The following ORC1 variants were observed in gnomAD, a reference collection of about 807,000 sequenced individuals.
ORC1 encodes origin recognition complex subunit 1, also known as origin recognition complex, subunit 1 homolog.
ORC1 carries 61 observed loss-of-function variants against 98.9 expected under a neutral mutation model. The observed-to-expected ratio is 0.62, with a 90% CI of 0.50 to 0.76. The LOEUF is 0.76. Among genes scored for constraint, ORC1 ranks in the 30% least tolerant of loss-of-function variants. The pLI, the probability that ORC1 is intolerant of heterozygous loss-of-function variation, is 0.00. For missense variants in ORC1, 979 were observed against 1,072.2 expected (o/e 0.91, Z 1.21); for synonymous variants, 385 against 406.9 (o/e 0.95, Z 0.65).
chr1:52,383,421 A>G lies in ORC1; in HGVS notation c.2012T>C (p.Leu671Pro). Reference sequence around the variant, plus strand: ...CATGGGAACTGCCCTAGAACCTACCAGTCGGCTGGACACCCGGTTCATCAT... The same window carrying G: ...CATGGGAACTGCCCTAGAACCTACCGGTCGGCTGGACACCCGGTTCATCAT... Reference protein sequence around the residue: ...RIMMNRVSSRLGLTRMCFQPY... With the variant: ...RIMMNRVSSRPGLTRMCFQPY... The change falls in exon 13 of 17, where the codon CTG becomes CCG. Residue 671 changes from leucine (L) to proline (P), a missense_variant and splice_region_variant. Transcript: ENST00000371568. 6.2e-7 allele frequency: 1 copy of G among 1,612,496 alleles called. No individual in the cohort carries two copies. The highest frequency in any genetic ancestry group is 1.7e-5 in the Admixed American group (1 of 60,016).
chr1:52,393,812 AATC>A lies in ORC1; in HGVS notation c.722-12_722-10del, dbSNP rs1196836122. On this transcript the variant is annotated splice_polypyrimidine_tract_variant and intron_variant, in intron 5 of 16. Transcript: ENST00000371568. The stretch of plus-strand genomic sequence containing the variant: ...CTGAGGGTTACCTAAGTCTAAGAGA[AATC>A]ATCACAATGTGTAAATTTTTTACCT... 1 of 1,611,016 alleles carries A rather than the reference AATC, an allele frequency of 6.2e-7. No homozygotes were observed. The highest frequency in any genetic ancestry group is 8.5e-7 in the Non-Finnish European group (1 of 1,179,952).
chr1:52,387,911 G>A (rs985134856), intron 8 of ORC1, among the ~76,000 whole-genome samples: 5 of 152,190 alleles, frequency 3.3e-5, no homozygotes, highest in African/African-American at 1.2e-4. Context: ...CATTTCTCAA[G>A]CACATTCGAA....
At chr1:52,380,590 G>T (rs1345433172) in intron 14 of ORC1, among the ~76,000 whole-genome samples, 1 of 152,018 alleles carries the variant, frequency 6.6e-6, no homozygotes, top group Non-Finnish European at 1.5e-5. Context: ...AGCTACTCAG[G>T]AGGCTGAGGC....
chr1:52,380,773 G>A (rs890845732), intron 14 of ORC1, among the ~76,000 whole-genome samples: 1 of 151,560 alleles, frequency 6.6e-6, no homozygotes, highest in Admixed American at 6.6e-5. Context: ...TAGATAGATA[G>A]CATAATAGCA....
chr1:52,384,327 T>A (rs1446432811), intron 11 of ORC1, among the ~76,000 whole-genome samples: 1 of 152,198 alleles, frequency 6.6e-6, no homozygotes, highest in African/African-American at 2.4e-5. Context: ...TTTCACCATG[T>A]GGGTAAGTAC....
At chr1:52,406,532 T>C (rs752106129), upstream of ORC1, among the ~76,000 whole-genome samples, 5 of 146,772 alleles carry the variant, frequency 3.4e-5, no homozygotes, top group African/African-American at 5.5e-5. Flanking sequence ...AACTATGACA[T>C]TGGAGAGGTT....
At chr1:52,397,979 G>GT (rs1022811731) in intron 3 of ORC1, 116 bp from the exon 4 acceptor site, 9 of 1,023,412 alleles carry the variant, frequency 8.8e-6, no homozygotes, top group African/African-American at 1.6e-5. Context: ...TTTGTTTTTT[G>GT]TTTTTTGAGA....
chr1:52,406,217 G>A (rs1199313539), upstream of ORC1, among the ~76,000 whole-genome samples: 1 of 152,070 alleles, frequency 6.6e-6, no homozygotes, highest in South Asian at 2.1e-4. Context: ...TCGAACTCCA[G>A]ACTTCAGGTA....
At chr1:52,405,754 C>T, upstream of ORC1, 4 of 1,614,034 alleles carry the variant, frequency 2.5e-6, no homozygotes, top group Non-Finnish European at 3.4e-6. Context: ...AAAACCAACA[C>T]CCTTTCTGTG....
At chr1:52,408,802 T>C, upstream of ORC1, 1 of 1,310,960 alleles carries the variant, frequency 7.6e-7, no homozygotes, top group Non-Finnish European at 1.1e-6. Flanking sequence ...TTCATCTACA[T>C]TGTTACTGTC....
chr1:52,391,480 TCAGCAGACAACCCA>T (rs781027443), intron 6 of ORC1, among the ~76,000 whole-genome samples: 8 of 151,890 alleles, frequency 5.3e-5, no homozygotes, highest in Non-Finnish European at 1.2e-4. Context: ...AAAGAAATAA[TCAGCAGACAACCCA>T]CAGAGTGGGA....
At chr1:52,373,719 GT>G (rs1646962860) in intron 16 of ORC1, among the ~76,000 whole-genome samples, 1 of 152,118 alleles carries the variant, frequency 6.6e-6, no homozygotes, top group Non-Finnish European at 1.5e-5. Context: ...ACTCTCACTG[GT>G]GATACAAATA....
At chr1:52,396,710 C>T (rs1314438730) in intron 4 of ORC1, among the ~76,000 whole-genome samples, 1 of 152,118 alleles carries the variant, frequency 6.6e-6, no homozygotes, top group Admixed American at 6.5e-5. Context: ...GTTATTTTCA[C>T]AGATTCCTCC....
intron 6 of ORC1, among the ~76,000 whole-genome samples, chr1:52,391,637 G>C (rs1052712924): frequency 6.6e-6 from 1 of 152,084 alleles, no homozygotes; most frequent in Non-Finnish European, 1.5e-5. Context: ...GGTGGCTCAC[G>C]CCTATAATCC....
chr1:52,386,813 T>C (rs1647148678), intron 8 of ORC1, among the ~76,000 whole-genome samples: 1 of 152,042 alleles, frequency 6.6e-6, no homozygotes, highest in South Asian at 2.1e-4. Flanking sequence ...TAGCTAGGCA[T>C]GATGGCACAC....
chr1:52,389,316 G>A lies in ORC1; in HGVS notation c.1088C>T (p.Ala363Val), dbSNP rs749421827. The A allele has an allele frequency of 6.2e-7, 1 of 1,613,564 alleles. No individual in the cohort carries two copies. The highest frequency in any genetic ancestry group is 1.1e-5 in the South Asian group (1 of 91,072). ...LKPENIKKRD[A>V]KEAKAQNEAT... ...TTCATTCTGGGCTTTTGCTTCTTTTGCATCCCTGCAAGAAACCACAGCGAG... is the reference window on the plus strand; with the variant it reads ...TTCATTCTGGGCTTTTGCTTCTTTTACATCCCTGCAAGAAACCACAGCGAG... The change falls in exon 7 of 17, where the codon GCA becomes GTA. Residue 363 changes from alanine to valine, a missense_variant. Coordinates refer to ENST00000371568, the MANE Select transcript of ORC1 (RefSeq NM_004153.4).
intron 1 of ORC1, among the ~76,000 whole-genome samples, chr1:52,402,562 C>G (rs957698398): frequency 6.6e-6 from 1 of 152,160 alleles, no homozygotes; most frequent in African/African-American, 2.4e-5. Context: ...AAACATCTAA[C>G]AAAGTGAAAT....
chr1:52,408,815 T>A, upstream of ORC1: 1 of 1,230,442 alleles, frequency 8.1e-7, no homozygotes, highest in Non-Finnish European at 1.1e-6. Flanking sequence ...TTACTGTCTC[T>A]ATGCAGGTTT....
Position 52,393,797 on chromosome 1 carries a change from C to T in ORC1, c.728G>A (p.Gly243Asp). The T allele has an allele frequency of 6.2e-7, 1 of 1,612,704 alleles. No homozygotes were observed. The highest frequency in any genetic ancestry group is 8.5e-7 in the Non-Finnish European group (1 of 1,180,006). The change falls in exon 6 of 17, where the codon GGT becomes GAT. Residue 243 changes from glycine (G) to aspartate (D), a missense_variant. Transcript: ENST00000371568. Reference sequence around the variant, plus strand: ...AGTCTGCTGGGACATCTGAGGGTTACCTAAGTCTAAGAGAAATCATCACAA... The same window carrying T: ...AGTCTGCTGGGACATCTGAGGGTTATCTAAGTCTAAGAGAAATCATCACAA... ...ARKRLELGNL[G>D]NPQMSQQTSC...
Sources: allele counts gnomAD v4.1 joint callset (sites outside exome capture counted in the v4.1 genomes callset), GRCh38; gene constraint gnomAD v4.1.1; transcripts MANE v1.5; gene names NCBI Gene and HGNC (gene_info 2026-07-23, HGNC 2026-07-21).